MBD5: variants seen among roughly 807,000 people sequenced by gnomAD.
The protein encoded by MBD5 is methyl-CpG-binding domain protein 5.
A neutral mutation model predicts 117.3 loss-of-function variants in MBD5; 13 were observed. The ratio of observed to expected loss-of-function variants is 0.11; its 90% confidence interval spans 0.07 to 0.18. MBD5 has a LOEUF of 0.18. MBD5 is among the 10% of genes least tolerant of loss of function. The probability of loss-of-function intolerance (pLI) is 1.00; values close to 1 mark genes in which losing one functional copy is unlikely to be tolerated. For synonymous variants in MBD5, 727 were observed against 766.4 expected, an observed-to-expected ratio of 0.95 and a Z score of 0.85; for missense variants, 1,879 against 2,093.8, an observed-to-expected ratio of 0.90 and a Z score of 2.00.
chr2:148,378,341 A>G (rs773966725), intron 4 of MBD5, among the ~76,000 whole-genome samples: 8 of 152,160 alleles, frequency 5.3e-5, no homozygotes, highest in Non-Finnish European at 1.2e-4. Flanking sequence ...ATTAACCTCC[A>G]AAATTGCTAA....
intron 4 of MBD5, among the ~76,000 whole-genome samples, chr2:148,362,092 GT>G (rs1574334628): frequency 1.3e-5 from 2 of 152,162 alleles, no homozygotes; most frequent in Non-Finnish European, 2.9e-5. Context: ...AGCTGCCGGA[GT>G]TTTTTTCATA....
At chr2:148,219,148 A>T (rs147254337) in intron 2 of MBD5, among the ~76,000 whole-genome samples, 1,672 of 152,208 alleles carry the variant, frequency 0.011, 30 homozygotes, top group African/African-American at 0.038. Context: ...TTTCTATTAA[A>T]TTTTTTTCTT....
intron 3 of MBD5, among the ~76,000 whole-genome samples, chr2:148,323,235 C>A (rs1702339374): frequency 6.6e-6 from 1 of 152,082 alleles, no homozygotes; most frequent in Non-Finnish European, 1.5e-5. Context: ...TTTCTTAATC[C>A]AGACTATGAT....
intron 1 of MBD5, among the ~76,000 whole-genome samples, chr2:148,118,980 A>T (rs1309580619): frequency 6.6e-6 from 1 of 152,168 alleles, no homozygotes; most frequent in Admixed American, 6.5e-5. Context: ...AGTAATGCTG[A>T]TATGAATATT....
intron 3 of MBD5, among the ~76,000 whole-genome samples, chr2:148,260,389 C>A (rs560364932): frequency 6.6e-6 from 1 of 152,346 alleles, no homozygotes; most frequent in African/African-American, 2.4e-5. Context: ...TCAGTCACAT[C>A]TGCAGTCTCC....
intron 9 of MBD5, 200 bp from the exon 10 acceptor site, chr2:148,485,542 A>G: frequency 3.5e-6 from 2 of 574,708 alleles, no homozygotes; most frequent in Non-Finnish European, 6.1e-6. Context: ...AAATTAAAAA[A>G]CTAATTATAC....
chr2:148,107,198 C>G (rs1469211891), intron 1 of MBD5, among the ~76,000 whole-genome samples: 1 of 152,024 alleles, frequency 6.6e-6, no homozygotes, highest in Non-Finnish European at 1.5e-5. Context: ...TGTGAATGAA[C>G]TTCTTTTAGT....
intron 4 of MBD5, among the ~76,000 whole-genome samples, chr2:148,398,625 T>G (rs1559054743): frequency 6.6e-6 from 1 of 152,212 alleles, no homozygotes; most frequent in Non-Finnish European, 1.5e-5. Context: ...TGATGGTAGT[T>G]TCTTTTGCTG....
intron 1 of MBD5, among the ~76,000 whole-genome samples, chr2:148,031,005 T>C (rs143602212): frequency 6.6e-6 from 1 of 152,220 alleles, no homozygotes; most frequent in East Asian, 1.9e-4. Context: ...CCTGGAAAAA[T>C]ATAGACTGGG....
At chr2:148,024,904 A>G (rs183432144) in intron 1 of MBD5, 1 of 152,334 alleles carries the variant, frequency 6.6e-6, no homozygotes, top group Non-Finnish European at 1.5e-5. Context: ...TACCAGCTCT[A>G]TAAAACAAGT....
intron 11 of MBD5, 114 bp downstream of exon 11, chr2:148,490,708 T>G: frequency 7.7e-7 from 1 of 1,304,040 alleles, no homozygotes; most frequent in Admixed American, 1.9e-5. Flanking sequence ...TCTTCATGAC[T>G]CATTGAGGTC....
Position 148,361,035 on chromosome 2 carries a change from A to G in MBD5, c.-557+18699A>G, listed in dbSNP as rs534491246. Reference sequence around the variant, plus strand: ...CCTCTCCTTCCATGTTTTTATTGAGAAGAAAAATAAGAAAAAAAGTGCTGG... The same window carrying G: ...CCTCTCCTTCCATGTTTTTATTGAGGAGAAAAATAAGAAAAAAAGTGCTGG... On this transcript the variant is annotated intron_variant, in intron 4 of 13. Transcript: ENST00000642680. Among the ~76,000 whole-genome samples, 9 of 152,158 alleles carry G rather than the reference A, an allele frequency of 5.9e-5. No homozygotes were observed. In the South Asian group the frequency reaches 1.7e-3, roughly 28 times the overall value.
intron 3 of MBD5, among the ~76,000 whole-genome samples, chr2:148,280,217 C>G (rs1701217711): frequency 6.8e-6 from 1 of 146,832 alleles, no homozygotes. Context: ...TATTATTTTT[C>G]TCACAGAGTC....
chr2:148,371,376 G>GAATA (rs1315090400), intron 4 of MBD5, among the ~76,000 whole-genome samples: 3 of 151,944 alleles, frequency 2.0e-5, no homozygotes, highest in Non-Finnish European at 4.4e-5. Flanking sequence ...TTTAGCAAGA[G>GAATA]AATAACTGTC....
At chr2:148,056,195 A>G (rs973898123) in intron 1 of MBD5, 1 of 152,150 alleles carries the variant, frequency 6.6e-6, no homozygotes, top group Non-Finnish European at 1.5e-5. Context: ...TTTTTTATAT[A>G]TTTGTTTAGA....
intron 1 of MBD5, among the ~76,000 whole-genome samples, chr2:148,163,868 A>C (rs1202854659): frequency 6.6e-6 from 1 of 152,234 alleles, no homozygotes; most frequent in Non-Finnish European, 1.5e-5. Context: ...TGAGATAAAA[A>C]GTGGTTGACA....
Position 148,469,576 on chromosome 2 carries a change from T to C in MBD5, c.1633T>C (p.Ser545Pro), listed in dbSNP as rs775791197. 6.9e-5 allele frequency: 112 copies of C among 1,613,776 alleles called. No homozygotes were observed. The highest frequency in any genetic ancestry group is 9.5e-5 in the Non-Finnish European group (112 of 1,179,940). The change falls in exon 8 of 14, where the codon TCT becomes CCT. Residue 545 changes from serine (S) to proline (P), a missense_variant. Physicochemically the swap from Ser to Pro is moderately conservative, Grantham distance 74. Around this residue, in one of 4 missense-constraint regions of MBD5, gnomAD observed 1,666 missense variants for 1,792.2 expected, o/e 0.93. Coordinates refer to ENST00000642680, the MANE Select transcript of MBD5 (RefSeq NM_001378120.1). ...AAGCAGTGCAGCTTTTCCTACTGCA[T>C]CTGCCGGAAGTAGTTCTGTAAAGAG... is the stretch of plus-strand genomic sequence containing the variant. ...TPSSAAFPTA[S>P]AGSSSVKSQP...
chr2:148,207,859 A>G, intron 2 of MBD5, among the ~76,000 whole-genome samples: 1 of 152,346 alleles, frequency 6.6e-6, no homozygotes, highest in Non-Finnish European at 1.5e-5. Context: ...ATGTATACCA[A>G]AATAACTTTC....
At chr2:148,154,346 AG>A (rs1217688754) in intron 1 of MBD5, among the ~76,000 whole-genome samples, 1 of 151,818 alleles carries the variant, frequency 6.6e-6, no homozygotes, top group Non-Finnish European at 1.5e-5. Flanking sequence ...GCTGTCAGAC[AG>A]GGACATTTAA....
Sources: gnomAD v4.1 joint callset for allele counts (sites outside exome capture counted in the v4.1 genomes callset) on GRCh38, gnomAD v4.1.1 for gene constraint, gnomAD v4.1.1 regional missense constraint, MANE v1.5 for transcripts, NCBI Gene and HGNC (gene_info 2026-07-23, HGNC 2026-07-21) for gene names.